SCD5: variants seen among roughly 807,000 people sequenced by gnomAD.
SCD5 encodes the protein stearoyl-CoA desaturase 5, also known as acyl-CoA-desaturase 4.
A neutral mutation model predicts 30.4 loss-of-function variants in SCD5; 20 were observed. The ratio of observed to expected loss-of-function variants is 0.66; its 90% confidence interval spans 0.46 to 0.96. The LOEUF (loss-of-function observed/expected upper bound fraction) is 0.96. Ranked by LOEUF, SCD5 falls within the 40% of genes least tolerant of loss-of-function variation. SCD5 has a pLI of 0.00. For missense variants in SCD5, 381 were observed against 443.3 expected, an observed-to-expected ratio of 0.86 and a Z score of 1.26; for synonymous variants, 173 against 176.4, an observed-to-expected ratio of 0.98 and a Z score of 0.16.
At chr4:82,679,023 C>A (rs1420891293) in intron 3 of SCD5, among the ~76,000 whole-genome samples, 2 of 151,434 alleles carry the variant, frequency 1.3e-5, no homozygotes, top group Non-Finnish European at 2.9e-5. Flanking sequence ...TATGGTGAAA[C>A]CCTGTCTCTA....
chr4:82,658,119 C>T (rs1443600997), intron 3 of SCD5, among the ~76,000 whole-genome samples: 3 of 152,230 alleles, frequency 2.0e-5, no homozygotes, highest in Non-Finnish European at 2.9e-5. Context: ...CTGGCCAGAA[C>T]TTCCAATACT....
intron 3 of SCD5, among the ~76,000 whole-genome samples, chr4:82,648,797 T>G (rs1029369448): frequency 6.6e-6 from 1 of 152,156 alleles, no homozygotes; most frequent in African/African-American, 2.4e-5. Context: ...CTATTCAATT[T>G]GTGTGTAAAT....
intron 1 of SCD5, among the ~76,000 whole-genome samples, chr4:82,796,996 T>TA (rs981599313): frequency 2.7e-4 from 41 of 152,258 alleles, no homozygotes; most frequent in African/African-American, 9.4e-4. Context: ...CCAAAGATCC[T>TA]ACCTCTCTCA....
At chr4:82,727,511 C>T (rs1720530152) in intron 1 of SCD5, among the ~76,000 whole-genome samples, 1 of 152,142 alleles carries the variant, frequency 6.6e-6, no homozygotes, top group Admixed American at 6.5e-5. Context: ...CTTTTGTCTC[C>T]CAGAGACAGC....
At chr4:82,683,852 C>A (rs1728634025) in intron 2 of SCD5, among the ~76,000 whole-genome samples, 1 of 152,214 alleles carries the variant, frequency 6.6e-6, no homozygotes, top group Admixed American at 6.5e-5. Flanking sequence ...TCTCCTTCAC[C>A]TTCCACCGTG....
intron 2 of SCD5, among the ~76,000 whole-genome samples, chr4:82,690,329 T>C (rs1266824154): frequency 6.6e-6 from 1 of 152,232 alleles, no homozygotes; most frequent in African/African-American, 2.4e-5. Flanking sequence ...CTCTAAGAGT[T>C]GGTGAATCTA....
intron 1 of SCD5, among the ~76,000 whole-genome samples, chr4:82,790,553 T>C (rs1722080201): frequency 6.6e-6 from 1 of 152,056 alleles, no homozygotes; most frequent in South Asian, 2.1e-4. Context: ...GGCTCCTACC[T>C]TTGGGGAGCC....
intron 1 of SCD5, among the ~76,000 whole-genome samples, chr4:82,713,803 G>A (rs916422419): frequency 6.6e-6 from 1 of 151,970 alleles, no homozygotes; most frequent in Non-Finnish European, 1.5e-5. Context: ...ATCCATATGC[G>A]GTCCCTCTCT....
chr4:82,641,889 A>G lies in SCD5; in HGVS notation c.570-5066T>C, dbSNP rs559835791. Among the ~76,000 whole-genome samples the G allele has an allele frequency of 2.0e-5, 3 of 152,214 alleles. No individual in the cohort carries two copies. In the East Asian group the frequency reaches 5.8e-4, roughly 29 times the overall value. Reference sequence around the variant, plus strand: ...GAGTCAAGGATGACACCAAGGATTAAGATGCCCTAAGCCGATGTAGGGGAG... The same window carrying G: ...GAGTCAAGGATGACACCAAGGATTAGGATGCCCTAAGCCGATGTAGGGGAG... On this transcript the variant is annotated intron_variant, in intron 3 of 4. Transcript: ENST00000319540.
At chr4:82,761,121 A>T (rs552297545) in intron 1 of SCD5, among the ~76,000 whole-genome samples, 75 of 152,344 alleles carry the variant, frequency 4.9e-4, no homozygotes, top group African/African-American at 1.7e-3. Flanking sequence ...TCATCAAATG[A>T]ATCAATTACA....
At chr4:82,788,391 C>CT (rs1560564083) in intron 1 of SCD5, among the ~76,000 whole-genome samples, 1 of 151,476 alleles carries the variant, frequency 6.6e-6, no homozygotes, top group African/African-American at 2.4e-5. Context: ...ACATGTGAGA[C>CT]TTTTTTTAAA....
At chr4:82,738,807 G>A (rs1023565690) in intron 1 of SCD5, among the ~76,000 whole-genome samples, 2 of 152,198 alleles carry the variant, frequency 1.3e-5, no homozygotes, top group African/African-American at 2.4e-5. Context: ...GGCACTTGTT[G>A]AGTACTTAGG....
chr4:82,682,134 C>G (rs991263303), intron 2 of SCD5, among the ~76,000 whole-genome samples: 10 of 152,210 alleles, frequency 6.6e-5, no homozygotes, highest in African/African-American at 2.4e-4. Context: ...GGGCAGCACT[C>G]ACTGGAGCCC....
chr4:82,737,056 T>A (rs756133002), intron 1 of SCD5, among the ~76,000 whole-genome samples: 2 of 152,188 alleles, frequency 1.3e-5, no homozygotes, highest in Admixed American at 1.3e-4. Flanking sequence ...CTCAAACATA[T>A]ACTAGCTCAA....
chr4:82,635,254 A>G (rs961382273), intron 4 of SCD5, among the ~76,000 whole-genome samples: 1 of 152,186 alleles, frequency 6.6e-6, no homozygotes, highest in African/African-American at 2.4e-5. Context: ...TATCCCTGCT[A>G]TGATTAAAAC....
At chr4:82,716,286 A>G (rs1298220971) in intron 1 of SCD5, among the ~76,000 whole-genome samples, 1 of 151,822 alleles carries the variant, frequency 6.6e-6, no homozygotes, top group Non-Finnish European at 1.5e-5. Flanking sequence ...GAGGGAGCTC[A>G]CAGGGAATCT....
intron 3 of SCD5, among the ~76,000 whole-genome samples, chr4:82,673,736 C>A (rs1470279026): frequency 6.6e-6 from 1 of 152,120 alleles, no homozygotes; most frequent in Admixed American, 6.6e-5. Context: ...GAAGAGTGCA[C>A]TACTTGACTT....
chr4:82,732,340 T>C (rs567847291), intron 1 of SCD5, among the ~76,000 whole-genome samples: 9 of 152,336 alleles, frequency 5.9e-5, no homozygotes, highest in African/African-American at 1.4e-4. Context: ...TCCGCCTACC[T>C]TGGCCTCCCA....
chr4:82,720,401 T>G (rs1027696246), intron 1 of SCD5, among the ~76,000 whole-genome samples: 1 of 123,358 alleles, frequency 8.1e-6, no homozygotes, highest in Non-Finnish European at 1.6e-5. Context: ...AACTCCAGCC[T>G]GGGTGACAGA....
Sources: gnomAD v4.1 joint callset for allele counts (sites outside exome capture counted in the v4.1 genomes callset) on GRCh38, gnomAD v4.1.1 for gene constraint, MANE v1.5 for transcripts, NCBI Gene and HGNC (gene_info 2026-07-23, HGNC 2026-07-21) for gene names.